SATB1: variants seen among roughly 807,000 people sequenced by gnomAD.
SATB1 encodes SATB homeobox 1, also known as DNA-binding protein SATB1.
Under a neutral mutation model 86.9 loss-of-function variants are expected in SATB1, and 11 were observed. The observed-to-expected ratio is 0.13, with a 90% CI of 0.08 to 0.21. The LOEUF (loss-of-function observed/expected upper bound fraction) is 0.21, where lower values mean the gene tolerates loss of function less well. Ranked by LOEUF, SATB1 falls within the 10% of genes least tolerant of loss-of-function variation. SATB1 has a pLI of 1.00. For missense variants in SATB1, 551 were observed against 937.6 expected, an observed-to-expected ratio of 0.59 and a Z score of 5.39; for synonymous variants, 357 against 357.2, an observed-to-expected ratio of 1.00 and a Z score of 0.01.
At chr3:18,401,221 A>C (rs1418430253) in intron 5 of SATB1, among the ~76,000 whole-genome samples, 1 of 152,170 alleles carries the variant, frequency 6.6e-6, no homozygotes, top group Non-Finnish European at 1.5e-5. Context: ...CTAGGTGATC[A>C]ATAAAAAGGG....
chr3:18,370,450 T>C (rs1575102655), intron 9 of SATB1, among the ~76,000 whole-genome samples: 1 of 136,302 alleles, frequency 7.3e-6, no homozygotes, highest in Non-Finnish European at 1.5e-5. Context: ...AATTTTAAAA[T>C]TGGGGAAAAG....
In SATB1 at chr3:18,413,130, T is replaced by C. The variant is rs777178287; in HGVS notation, c.639+1981A>G. On this transcript the variant is annotated intron_variant, in intron 5 of 10. Transcript: ENST00000338745. ...CCATATATCTGAAAACCTCTCTCTA[T>C]AGAAATTCACCAATGTATGACTCCA... Among the ~76,000 whole-genome samples, 20 of 152,188 alleles carry C rather than the reference T, an allele frequency of 1.3e-4. No individual in the cohort carries two copies. In the South Asian group the frequency reaches 4.1e-3, roughly 32 times the overall value.
In SATB1 at chr3:18,355,343, C is replaced by T. The variant is rs141842079; in HGVS notation, c.1576-3148G>A. Among the ~76,000 whole-genome samples the T allele has an allele frequency of 1.5e-4, 23 of 152,120 alleles. No individual in the cohort carries two copies. The East Asian group carries it at 4.4e-3, about 29-fold the overall frequency. ...TAAATACCTTGGAATATTTTGACTACCTCAAATTCTATTGATTGTTACTCT... is the reference window on the plus strand; with the variant it reads ...TAAATACCTTGGAATATTTTGACTATCTCAAATTCTATTGATTGTTACTCT... On this transcript the variant is annotated intron_variant, in intron 9 of 10. Transcript: ENST00000338745.
chr3:18,357,394 A>G (rs1308938028), intron 9 of SATB1, among the ~76,000 whole-genome samples: 2 of 151,902 alleles, frequency 1.3e-5, no homozygotes, highest in Non-Finnish European at 2.9e-5. Context: ...AGGCATTTGA[A>G]TGAGTACATT....
At chr3:18,388,983 T>C (rs1696489670) in intron 7 of SATB1, among the ~76,000 whole-genome samples, 1 of 152,128 alleles carries the variant, frequency 6.6e-6, no homozygotes, top group South Asian at 2.1e-4. Context: ...GACTAAGTCA[T>C]TTCCATATGG....
At chr3:18,419,104 T>C (rs1223579872) in intron 2 of SATB1, among the ~76,000 whole-genome samples, 5 of 152,190 alleles carry the variant, frequency 3.3e-5, no homozygotes, top group African/African-American at 7.2e-5. Context: ...ATATTGGATT[T>C]ATTGTGGATT....
upstream of SATB1, among the ~76,000 whole-genome samples, chr3:18,440,724 G>C (rs912046421): frequency 6.6e-6 from 1 of 152,070 alleles, no homozygotes; most frequent in African/African-American, 2.4e-5. Context: ...TTTCGTGCCT[G>C]ATCTATTAAT....
At chr3:18,410,097 C>G (rs1395511014) in intron 5 of SATB1, among the ~76,000 whole-genome samples, 1 of 152,038 alleles carries the variant, frequency 6.6e-6, no homozygotes, top group Non-Finnish European at 1.5e-5. Context: ...AAAGTCAGTT[C>G]CTGTCTAGAT....
intron 2 of SATB1, among the ~76,000 whole-genome samples, chr3:18,432,768 A>AT (rs1698929018): frequency 6.6e-6 from 1 of 150,948 alleles, no homozygotes; most frequent in African/African-American, 2.4e-5. Context: ...AAAATGGCGT[A>AT]TTTTTTAACA....
intron 9 of SATB1, among the ~76,000 whole-genome samples, chr3:18,359,596 A>G (rs1694810756): frequency 6.6e-6 from 1 of 152,044 alleles, no homozygotes; most frequent in African/African-American, 2.4e-5. Flanking sequence ...CAAAGCTGAA[A>G]CAAAACAAAT....
At chr3:18,392,932 T>C (rs1696760224) in intron 7 of SATB1, among the ~76,000 whole-genome samples, 3 of 145,906 alleles carry the variant, frequency 2.1e-5, no homozygotes, top group South Asian at 2.2e-4. Flanking sequence ...ACCTGAGACA[T>C]AGCCTTGTGC....
chr3:18,348,604 A>AT lies in SATB1; in HGVS notation c.*565dup, dbSNP rs1694181089. The AT allele has an allele frequency of 6.5e-6, 1 of 152,772 alleles. No homozygotes were observed. The highest frequency in any genetic ancestry group is 2.4e-5 in the African/African-American group (1 of 41,584). The allele number at this position is 152,772 out of a possible 1,614,324, so 9.5% of individuals were successfully genotyped here. ...AGTACAGTGAACTTTTATTTCCAAAATAAAAACAAATTTGAATTACGGCAG... is the reference window on the plus strand; with the variant it reads ...AGTACAGTGAACTTTTATTTCCAAAATTAAAAACAAATTTGAATTACGGCAG... On this transcript the variant is annotated 3_prime_UTR_variant, in exon 11 of 11. Transcript: ENST00000338745.
rs1331952194 is a variant in SATB1, at chr3:18,346,027, ACTCAGAATTT to A, written c.*3133_*3142del. 6.6e-6 allele frequency: 1 copy of A among 152,114 alleles called. No individual in the cohort carries two copies. Among genetic ancestry groups the A allele is most frequent in the Non-Finnish European group, 1.5e-5 (1 of 67,988 alleles). 9.4% of individuals were successfully genotyped at this position (152,114 alleles called of 1,614,324 possible). A position where few individuals can be genotyped will look rare whatever the true frequency, so the allele number is the denominator to read the frequency against. On this transcript the variant is annotated 3_prime_UTR_variant, in exon 11 of 11. Coordinates refer to ENST00000338745, the MANE Select transcript of SATB1 (RefSeq NM_002971.6). The stretch of plus-strand genomic sequence containing the variant: ...CTTTGAAAAAAATCACTTATTTTAA[ACTCAGAATTT>A]CTTAGTACTAAATGCTAACCAATAC...
upstream of SATB1, among the ~76,000 whole-genome samples, chr3:18,428,845 G>T (rs114305827): frequency 6.6e-6 from 1 of 152,150 alleles, no homozygotes; most frequent in Non-Finnish European, 1.5e-5. Flanking sequence ...ATATCCGAAC[G>T]CATTAAAACA....
intron 5 of SATB1, among the ~76,000 whole-genome samples, chr3:18,409,936 T>C (rs1447485470): frequency 6.6e-6 from 1 of 152,020 alleles, no homozygotes; most frequent in Non-Finnish European, 1.5e-5. Flanking sequence ...CTAATGAAAA[T>C]GACTAATGTT....
At chr3:18,432,952 C>T (rs1442774605) in intron 2 of SATB1, among the ~76,000 whole-genome samples, 1 of 152,110 alleles carries the variant, frequency 6.6e-6, no homozygotes, top group Non-Finnish European at 1.5e-5. Context: ...TCTTACATTG[C>T]TTTGTCCTTA....
intron 5 of SATB1, among the ~76,000 whole-genome samples, chr3:18,401,589 A>G (rs1697269313): frequency 6.6e-6 from 1 of 152,122 alleles, no homozygotes; most frequent in South Asian, 2.1e-4. Flanking sequence ...CACAGAATAA[A>G]ATAAACCAAC....
At chr3:18,438,260 G>A (rs776020871) in intron 1 of SATB1, among the ~76,000 whole-genome samples, 23 of 152,144 alleles carry the variant, frequency 1.5e-4, no homozygotes, top group Non-Finnish European at 2.2e-4. Flanking sequence ...TCTACTACAT[G>A]CCTAGCTTCC....
chr3:18,402,174 G>A (rs985731029), intron 5 of SATB1, among the ~76,000 whole-genome samples: 5 of 151,954 alleles, frequency 3.3e-5, no homozygotes, highest in African/African-American at 9.7e-5. Flanking sequence ...TCTATAACAC[G>A]TTTAAAAATG....
Sources: allele counts gnomAD v4.1 joint callset (sites outside exome capture counted in the v4.1 genomes callset), GRCh38; gene constraint gnomAD v4.1.1; transcripts MANE v1.5; gene names NCBI Gene and HGNC (gene_info 2026-07-23, HGNC 2026-07-21).